The following SCMH1 variants were observed in gnomAD, a reference collection of about 807,000 sequenced individuals.
SCMH1 encodes polycomb protein SCMH1.
SCMH1 carries 37 observed loss-of-function variants against 70.8 expected under a neutral mutation model. The observed-to-expected ratio is 0.52, with a 90% CI of 0.40 to 0.69. The LOEUF is 0.69. Among genes scored for constraint, SCMH1 ranks in the 30% least tolerant of loss-of-function variants. The pLI, the probability that SCMH1 is intolerant of heterozygous loss-of-function variation, is 0.00. For missense variants in SCMH1, 607 were observed against 827.3 expected (o/e 0.73, Z 3.27); for synonymous variants, 292 against 307.4 (o/e 0.95, Z 0.52).
intron 2 of SCMH1, among the ~76,000 whole-genome samples, chr1:41,176,521 C>T (rs550214077): frequency 5.3e-5 from 8 of 152,316 alleles, no homozygotes; most frequent in South Asian, 4.2e-4. Flanking sequence ...GGGTGACAGA[C>T]GGCACCTGGA....
chr1:41,164,806 T>C lies in SCMH1; in HGVS notation c.14-3374A>G, dbSNP rs72665616. Among the ~76,000 whole-genome samples the C allele has an allele frequency of 1.9e-3, 290 of 152,258 alleles. 3 individuals are homozygous for C. Among genetic ancestry groups the C allele is most frequent in the Non-Finnish European group, 6.6e-4 (45 of 67,976 alleles). On this transcript the variant is annotated intron_variant, in intron 2 of 14. Transcript: ENST00000337495. Reference sequence around the variant, plus strand: ...TATGGGGTATAAAGTGATGTTTCAATATACGTACACATTGTGGAATGATCA... The same window carrying C: ...TATGGGGTATAAAGTGATGTTTCAACATACGTACACATTGTGGAATGATCA...
intron 1 of SCMH1, among the ~76,000 whole-genome samples, chr1:41,215,185 C>T (rs187960358): frequency 1.6e-4 from 25 of 152,270 alleles, no homozygotes; most frequent in East Asian, 1.2e-3. Context: ...ATGCTTTTTG[C>T]AGTCTACTAT....
In SCMH1 at chr1:41,177,679, A is replaced by G. The variant is rs559735823; in HGVS notation, c.13+8442T>C. On this transcript the variant is annotated intron_variant, in intron 2 of 14. Coordinates refer to ENST00000337495, the Ensembl canonical transcript of SCMH1. ...ATGAATGAAATGAAGTGAGAAGAGA[A>G]GTTTAGAGAAAAAAGAATAAAAAGA... Among the ~76,000 whole-genome samples, 224 of 152,336 alleles carry G rather than the reference A, an allele frequency of 1.5e-3. 2 individuals carry two copies. Among genetic ancestry groups the G allele is most frequent in the African/African-American group, 5.2e-3 (217 of 41,574 alleles).
chr1:41,152,756 G>T, intron 4 of SCMH1: 1 of 1,593,336 alleles, frequency 6.3e-7, no homozygotes, highest in South Asian at 1.1e-5. Flanking sequence ...GAATAAAAAT[G>T]AGTCACTGAA....
intron 8 of SCMH1, among the ~76,000 whole-genome samples, chr1:41,082,833 T>A (rs959450464): frequency 1.3e-5 from 2 of 152,196 alleles, no homozygotes; most frequent in African/African-American, 2.4e-5. Context: ...CACAAATCAA[T>A]AAATGTAATC....
intron 1 of SCMH1, among the ~76,000 whole-genome samples, chr1:41,226,296 G>C (rs1402132249): frequency 2.0e-5 from 3 of 152,094 alleles, no homozygotes; most frequent in African/African-American, 7.2e-5. Context: ...ATCATTTAAG[G>C]GATGATAAAT....
rs1672967481 is a variant in SCMH1 at position 41,125,496 on chromosome 1, T to C, written c.413-8486A>G. ...CCTCCCAAAGTGCTGGGATTACAGG[T>C]GTGAGCCACTTTGCCCAGCCTCATT... On this transcript the variant is annotated intron_variant, in intron 6 of 14. Transcript: ENST00000337495. 2.0e-5 allele frequency among the ~76,000 whole-genome samples: 3 copies of C among 151,790 alleles called. No individual in the cohort carries two copies. The South Asian group carries it at 6.2e-4, about 32-fold the overall frequency.
rs993579667 is a variant in SCMH1, at chr1:41,048,958, C to T, written c.1106-68G>A. On this transcript the variant is annotated intron_variant, in intron 10 of 14. Coordinates refer to ENST00000337495, the Ensembl canonical transcript of SCMH1. ...GATAGAGAAGTCAGAGAACAGCATC[C>T]TATTCCATCTTTTATACCTTGGCCT... 5 of 1,405,698 alleles carry T rather than the reference C, an allele frequency of 3.6e-6. No homozygotes were observed. In the African/African-American group the frequency reaches 7.2e-5, roughly 20 times the overall value. 87.1% of individuals were successfully genotyped at this position (1,405,698 alleles called of 1,614,324 possible).
At chr1:41,112,024 T>C (rs1368572761) in intron 8 of SCMH1, among the ~76,000 whole-genome samples, 1 of 152,166 alleles carries the variant, frequency 6.6e-6, no homozygotes. Flanking sequence ...AATAGGGCTA[T>C]TAAACAAAAA....
chr1:41,098,172 C>A (rs1455492664), intron 8 of SCMH1, among the ~76,000 whole-genome samples: 1 of 152,142 alleles, frequency 6.6e-6, no homozygotes, highest in East Asian at 1.9e-4. Context: ...ATATTTCATT[C>A]TATTTTGACA....
chr1:41,200,248 C>A (rs530926153), intron 1 of SCMH1, among the ~76,000 whole-genome samples: 2 of 151,870 alleles, frequency 1.3e-5, no homozygotes, highest in African/African-American at 4.8e-5. Context: ...GAGGCTGAGG[C>A]GGGTGGATCA....
intron 1 of SCMH1, among the ~76,000 whole-genome samples, chr1:41,189,788 G>A (rs896228053): frequency 8.5e-5 from 13 of 152,220 alleles, no homozygotes; most frequent in Non-Finnish European, 1.5e-5. Flanking sequence ...CTAGCAATAA[G>A]TGGCTAATGA....
intron 13 of SCMH1, among the ~76,000 whole-genome samples, chr1:41,030,840 GATAA>G (rs1304699457): frequency 2.6e-5 from 4 of 152,220 alleles, no homozygotes; most frequent in Non-Finnish European, 4.4e-5. Context: ...ACATCTGTTA[GATAA>G]ATAATGATCA....
intron 11 of SCMH1, among the ~76,000 whole-genome samples, chr1:41,048,461 A>T (rs907282390): frequency 6.6e-6 from 1 of 152,134 alleles, no homozygotes; most frequent in African/African-American, 2.4e-5. Flanking sequence ...GATGGGGGGA[A>T]TCAGTTTAGA....
chr1:41,236,498 AAAGG>A (rs1157018675), intron 1 of SCMH1, among the ~76,000 whole-genome samples: 1 of 152,178 alleles, frequency 6.6e-6, no homozygotes, highest in East Asian at 1.9e-4. Flanking sequence ...GAAGAGAGTA[AAAGG>A]AAGCCAGGTC....
chr1:41,063,603 C>T (rs1653577591), intron 10 of SCMH1, among the ~76,000 whole-genome samples: 2 of 151,636 alleles, frequency 1.3e-5, no homozygotes, highest in South Asian at 2.1e-4. Flanking sequence ...AACAAACAAC[C>T]AGAAGGATGA....
chr1:41,164,320 A>G (rs1246815612), intron 2 of SCMH1, among the ~76,000 whole-genome samples: 1 of 152,116 alleles, frequency 6.6e-6, no homozygotes, highest in East Asian at 1.9e-4. Flanking sequence ...TACACCACCC[A>G]GAAATCATAC....
At chr1:41,226,411 T>C (rs968824543) in intron 1 of SCMH1, among the ~76,000 whole-genome samples, 2 of 151,968 alleles carry the variant, frequency 1.3e-5, no homozygotes, top group African/African-American at 2.4e-5. Context: ...ATAAGCAATA[T>C]GAAAAAAATA....
chr1:41,192,454 T>C (rs529981057), intron 1 of SCMH1, among the ~76,000 whole-genome samples: 20 of 151,162 alleles, frequency 1.3e-4, no homozygotes, highest in African/African-American at 4.6e-4. Context: ...AAGACAATAA[T>C]AGCAATTATC....
Sources: gnomAD v4.1 joint callset for allele counts (sites outside exome capture counted in the v4.1 genomes callset) on GRCh38, gnomAD v4.1.1 for gene constraint, MANE v1.5 for transcripts, NCBI Gene and HGNC (gene_info 2026-07-23, HGNC 2026-07-21) for gene names.